CNOT1: variants seen among roughly 807,000 people sequenced by gnomAD.
CNOT1 encodes CCR4-associated factor 1.
CNOT1 carries 15 observed loss-of-function variants against 273.8 expected under a neutral mutation model. The ratio of observed to expected loss-of-function variants is 0.05; its 90% CI spans 0.04 to 0.08. The LOEUF is 0.08. Ranked by LOEUF, CNOT1 falls within the 10% of genes least tolerant of loss-of-function variation. The pLI is 1.00. For synonymous variants in CNOT1, 1,022 were observed against 1,005.5 expected, an observed-to-expected ratio of 1.02 and a Z score of -0.31; for missense variants, 1,644 against 2,912.2, an observed-to-expected ratio of 0.56 and a Z score of 10.02.
At chr16:58,542,168 TCAACAA>T in intron 33 of CNOT1, 57 bp downstream of exon 33, 1 of 1,586,584 alleles carries the variant, frequency 6.3e-7, no homozygotes, top group Non-Finnish European at 8.6e-7. Context: ...AGGAGTTCAA[TCAACAA>T]CAACATTAAA....
chr16:58,543,134 C>A lies in CNOT1; in HGVS notation c.4434+473G>T, dbSNP rs911494856. ...AAGGCAAAAAACAACCAAAAAAAAT[C>A]ATTAAAGCAGTAAACAAATTATTAA... is the stretch of plus-strand genomic sequence containing the variant. On this transcript the variant is annotated intron_variant, in intron 31 of 48. Transcript: ENST00000317147. 9.7e-6 allele frequency: 13 copies of A among 1,333,588 alleles called. No individual in the cohort carries two copies. In the African/African-American group the frequency reaches 1.3e-4, roughly 14 times the overall value. The allele number at this position is 1,333,588 out of a possible 1,614,324, so 82.6% of individuals were successfully genotyped here.
chr16:58,524,832 C>G lies in CNOT1; in HGVS notation c.6784+347G>C, dbSNP rs113375200. 9.9e-5 allele frequency among the ~76,000 whole-genome samples: 15 copies of G among 152,200 alleles called. No homozygotes were observed. In the South Asian group the frequency reaches 3.1e-3, roughly 32 times the overall value. ...CATTTAACAAGATGCCTGCCAAACA[C>G]GCACCAATAAAAATGCTTATATAAG... On this transcript the variant is annotated intron_variant, in intron 46 of 48. Coordinates refer to ENST00000317147, the MANE Select transcript of CNOT1 (RefSeq NM_016284.5).
At chr16:58,549,655 T>C (rs2040390013) in intron 25 of CNOT1, 64 bp downstream of exon 25, 1 of 1,531,696 alleles carries the variant, frequency 6.5e-7, no homozygotes, top group East Asian at 2.3e-5. Flanking sequence ...AAATCCTACC[T>C]ATATAATCAA....
chr16:58,550,315 G>C (rs2040408154), intron 24 of CNOT1, among the ~76,000 whole-genome samples: 1 of 152,084 alleles, frequency 6.6e-6, no homozygotes, highest in Admixed American at 6.5e-5. Context: ...GTTGACCCTT[G>C]AACAAGGATT....
chr16:58,574,132 T>C (rs554184388), intron 16 of CNOT1, among the ~76,000 whole-genome samples: 3 of 151,734 alleles, frequency 2.0e-5, no homozygotes, highest in Non-Finnish European at 2.9e-5. Flanking sequence ...TTTAACCAGC[T>C]GAGAGTGGGT....
intron 16 of CNOT1, among the ~76,000 whole-genome samples, chr16:58,564,050 C>G (rs920679228): frequency 6.6e-6 from 1 of 152,114 alleles, no homozygotes; most frequent in Admixed American, 6.6e-5. Flanking sequence ...TAAGGAAGCT[C>G]TCTAATTGTA....
chr16:58,555,210 G>A lies in CNOT1; in HGVS notation c.2891+41C>T, dbSNP rs776077463. 14 of 1,602,140 alleles carry A rather than the reference G, an allele frequency of 8.7e-6. No homozygotes were observed. The East Asian group carries it at 1.1e-4, about 13-fold the overall frequency. On this transcript the variant is annotated intron_variant, in intron 21 of 48. Coordinates refer to ENST00000317147, the MANE Select transcript of CNOT1 (RefSeq NM_016284.5). ...ATGAGAGTTAAGACCCTGTCTGCGGGGTCAGGGAAGAGATCCTTCACAGGA... is the reference window on the plus strand; with the variant it reads ...ATGAGAGTTAAGACCCTGTCTGCGGAGTCAGGGAAGAGATCCTTCACAGGA...
rs777884190 is a variant in CNOT1, at chr16:58,555,926, G to A, written c.2480-18C>T. The A allele has an allele frequency of 4.4e-6, 7 of 1,608,488 alleles. No individual in the cohort carries two copies. Among genetic ancestry groups the A allele is most frequent in the Non-Finnish European group, 5.1e-6 (6 of 1,179,708 alleles). On this transcript the variant is annotated intron_variant, in intron 19 of 48. Coordinates refer to ENST00000317147, the MANE Select transcript of CNOT1 (RefSeq NM_016284.5). The stretch of plus-strand genomic sequence containing the variant: ...CAAGTCCGCTGTTGGAAACAAAAAA[G>A]GAATCAGTGGGCATTTAAGCCCTTC...
chr16:58,543,955 A>G, intron 30 of CNOT1, 52 bp from the exon 31 acceptor site: 1 of 1,516,668 alleles, frequency 6.6e-7, no homozygotes, highest in Non-Finnish European at 8.8e-7. Context: ...AAGACAATCC[A>G]ATTCCTACTG....
intron 43 of CNOT1, among the ~76,000 whole-genome samples, chr16:58,529,576 G>A (rs1016220665): frequency 7.2e-5 from 11 of 152,120 alleles, no homozygotes; most frequent in East Asian, 1.9e-4. Context: ...AGTGGCTCAC[G>A]CCTGTAATCT....
chr16:58,621,812 G>A (rs1166200532), intron 1 of CNOT1, among the ~76,000 whole-genome samples: 1 of 149,416 alleles, frequency 6.7e-6, no homozygotes, highest in African/African-American at 2.5e-5. Context: ...TCAGGAGGCT[G>A]AGGCAGGAGA....
chr16:58,555,407 A>G lies in CNOT1; in HGVS notation c.2735T>C (p.Ile912Thr). Residue 912 changes from isoleucine to threonine, a missense_variant, in exon 21 of 49, where the codon ATA becomes ACA. Coordinates refer to ENST00000317147, the MANE Select transcript of CNOT1 (RefSeq NM_016284.5). ...FPQYPDKELH[I>T]TACLFGGIIE... ...TATACCACCAAATAGGCAGGCTGTT[A>G]TATGTAACTCTTTATCAGGATACTG... is the stretch of plus-strand genomic sequence containing the variant. 1 of 1,614,212 alleles carries G rather than the reference A, an allele frequency of 6.2e-7. No individual in the cohort carries two copies. The highest frequency in any genetic ancestry group is 1.1e-5 in the South Asian group (1 of 91,084).
In CNOT1 at chr16:58,530,315, A is replaced by G. The variant is rs1451519318; in HGVS notation, c.6210T>C (p.Asp2070=). The change falls in exon 43 of 49, where the codon GAT becomes GAC. Residue 2070 remains aspartate, a synonymous_variant. Transcript: ENST00000317147. ...GGAAAGGCGCTAAATATTTGAATAA[A>G]TCAATCAGTAGCTGTGCATACATAG... ...GWPMYAQLLI[D]LFKYLAPFLR... is the part of the protein sequence containing the mutation. 2.5e-6 allele frequency: 4 copies of G among 1,612,606 alleles called. No individual in the cohort carries two copies. The highest frequency in any genetic ancestry group is 1.6e-4 in the Middle Eastern group (1 of 6,078).
chr16:58,534,528 T>C, intron 39 of CNOT1, 133 bp from the exon 40 acceptor site: 1 of 1,045,600 alleles, frequency 9.6e-7, no homozygotes, highest in Non-Finnish European at 1.3e-6. Context: ...TACATTGTAA[T>C]AAATGTATTA....
chr16:58,521,083 A>AAC, intron 48 of CNOT1, 47 bp from the exon 49 acceptor site: 1 of 1,613,758 alleles, frequency 6.2e-7, no homozygotes, highest in Admixed American at 1.7e-5. Context: ...GAGTAGGCCT[A>AAC]ACAATACCTT....
At chr16:58,627,872 G>A (rs528818721) in intron 1 of CNOT1, among the ~76,000 whole-genome samples, 4 of 152,232 alleles carry the variant, frequency 2.6e-5, no homozygotes, top group African/African-American at 9.6e-5. Flanking sequence ...CCGTCCCCCA[G>A]GCTGGAGTGC....
At chr16:58,565,156 C>T (rs924814550) in intron 16 of CNOT1, among the ~76,000 whole-genome samples, 5 of 152,144 alleles carry the variant, frequency 3.3e-5, no homozygotes, top group East Asian at 3.8e-4. Flanking sequence ...GTCTCACTGT[C>T]GCCCAGGCAG....
chr16:58,533,857 T>A (rs40188), intron 40 of CNOT1, among the ~76,000 whole-genome samples: 36,839 of 151,752 alleles, frequency 0.24, 4,861 homozygotes, highest in East Asian at 0.38. Flanking sequence ...TGGCCAGGCA[T>A]GGTGGTTCAT....
At chr16:58,605,274 G>A (rs371113398) in intron 1 of CNOT1, among the ~76,000 whole-genome samples, 14 of 152,098 alleles carry the variant, frequency 9.2e-5, no homozygotes, top group East Asian at 3.9e-4. Context: ...AGGCTGAGGC[G>A]GGTGGATCAC....
Sources: allele counts gnomAD v4.1 joint callset (sites outside exome capture counted in the v4.1 genomes callset), GRCh38; gene constraint gnomAD v4.1.1; transcripts MANE v1.5; gene names NCBI Gene and HGNC (gene_info 2026-07-23, HGNC 2026-07-21).